Variants in EPN1 observed in about 807,000 individuals in gnomAD.
EPN1 encodes epsin-1.
EPN1 carries 25 observed loss-of-function variants against 56.9 expected under a neutral mutation model. That is an observed-to-expected ratio of 0.44 (90% CI 0.32 to 0.61). EPN1 has a LOEUF of 0.61. Among genes scored for constraint, EPN1 ranks in the 20% least tolerant of loss-of-function variants. EPN1 has a pLI of 0.05. For synonymous variants in EPN1, 411 were observed against 361.8 expected, an observed-to-expected ratio of 1.14 and a Z score of -1.54; for missense variants, 785 against 823.7, an observed-to-expected ratio of 0.95 and a Z score of 0.58.
rs2122209621 is a variant in EPN1 at position 55,691,610 on chromosome 19, C to A, written c.763-144C>A. 2.9e-6 allele frequency: 2 copies of A among 690,760 alleles called. No individual in the cohort carries two copies. The highest frequency in any genetic ancestry group is 4.9e-6 in the Non-Finnish European group (2 of 408,072). 42.8% of individuals were successfully genotyped at this position (690,760 alleles called of 1,614,324 possible). On this transcript the variant is annotated intron_variant, in intron 6 of 10. Coordinates refer to ENST00000270460, the MANE Select transcript of EPN1 (RefSeq NM_001130072.2). The surrounding 1 kb of genome is among the most constrained non-coding windows in gnomAD (Gnocchi z 5.6). ...GGGAGGCCAGGTGGTGTGTTTGGGGCCTGCCTCCCTCTCACCCCTTATGGA... is the reference window on the plus strand; with the variant it reads ...GGGAGGCCAGGTGGTGTGTTTGGGGACTGCCTCCCTCTCACCCCTTATGGA...
In EPN1 at chr19:55,691,793, G is replaced by C; in HGVS notation, c.802G>C (p.Ala268Pro). 2 of 1,612,590 alleles carry C rather than the reference G, an allele frequency of 1.2e-6. No homozygotes were observed. Among genetic ancestry groups the C allele is most frequent in the South Asian group, 2.2e-5 (2 of 90,992 alleles). ...CCTTGCTGACGTCTTCACGGCCCCA[G>C]CTCCTGCCCCGACCACAGACCCCTG... ...MDLADVFTAP[A>P]PAPTTDPWGG... The change falls in exon 7 of 11, where the codon GCT (alanine) becomes CCT (proline). Residue 268 changes from alanine to proline, a missense_variant. Ala to Pro is a conservative substitution (Grantham distance 27). Coordinates refer to ENST00000270460, the MANE Select transcript of EPN1 (RefSeq NM_001130072.2). This position sits in a 1 kb window ranked among gnomAD's most constrained non-coding sequence, Gnocchi z 5.6.
At chr19:55,687,399 G>GGC (rs1196818398) in intron 3 of EPN1, among the ~76,000 whole-genome samples, 3 of 152,186 alleles carry the variant, frequency 2.0e-5, no homozygotes, top group Non-Finnish European at 4.4e-5. Context: ...GTGATGGGAA[G>GGC]GCCCGGGTGT....
chr19:55,689,805 A>G lies in EPN1; in HGVS notation c.679-62A>G, dbSNP rs1986414714. On this transcript the variant is annotated intron_variant, in intron 5 of 10. Coordinates refer to ENST00000270460, the MANE Select transcript of EPN1 (RefSeq NM_001130072.2). This position sits in a 1 kb window ranked among gnomAD's most constrained non-coding sequence, Gnocchi z 5.7. ...AGGGGTTGCTGGGGCTTCCAGGCTGAGGTGGCATCTGCCCGTGGCTCACGT... is the reference window on the plus strand; with the variant it reads ...AGGGGTTGCTGGGGCTTCCAGGCTGGGGTGGCATCTGCCCGTGGCTCACGT... 5 of 1,484,436 alleles carry G rather than the reference A, an allele frequency of 3.4e-6. No homozygotes were observed. In the African/African-American group the frequency reaches 7.0e-5, roughly 21 times the overall value. The allele number at this position is 1,484,436 out of a possible 1,614,324, so 92.0% of individuals were successfully genotyped here.
chr19:55,692,956 G>A lies in EPN1; in HGVS notation c.1183G>A (p.Gly395Arg), dbSNP rs375849334. ...AGAACATCCTGACCCCACAGCAGCC[G>A]GGGGATTCGACACGGAGCCCGACGA... ...KPSTNGTTAA[G>R]GFDTEPDEFS... Residue 395 changes from glycine (G) to arginine (R), a missense_variant, in exon 9 of 11, where the codon GGG becomes AGG. Gly to Arg is a moderately radical substitution (Grantham distance 125). Coordinates refer to ENST00000270460, the MANE Select transcript of EPN1 (RefSeq NM_001130072.2). 165 of 1,613,280 alleles carry A rather than the reference G, an allele frequency of 1.0e-4. No individual in the cohort carries two copies. The highest frequency in any genetic ancestry group is 6.0e-4 in the South Asian group (55 of 91,076).
At position 55,689,439 on chromosome 19, in the gene EPN1, C is replaced by T; in HGVS notation, c.678+68C>T. ...CTCAGACCAGCCCCGTCGCCCCTTCCTAAGTCACCCCCCACCATCCTGCTG... is the reference window on the plus strand; with the variant it reads ...CTCAGACCAGCCCCGTCGCCCCTTCTTAAGTCACCCCCCACCATCCTGCTG... On this transcript the variant is annotated intron_variant, in intron 5 of 10. Coordinates refer to ENST00000270460, the MANE Select transcript of EPN1 (RefSeq NM_001130072.2). This position sits in a 1 kb window ranked among gnomAD's most constrained non-coding sequence, Gnocchi z 5.7. The T allele has an allele frequency of 8.2e-7, 1 of 1,225,446 alleles. No homozygotes were observed. 75.9% of individuals were successfully genotyped at this position (1,225,446 alleles called of 1,614,324 possible). A position where few individuals can be genotyped will look rare whatever the true frequency, so the allele number is the denominator to read the frequency against.
intron 2 of EPN1, among the ~76,000 whole-genome samples, chr19:55,683,247 G>A (rs919385724): frequency 2.0e-5 from 3 of 151,206 alleles, no homozygotes; most frequent in Non-Finnish European, 4.4e-5. Context: ...AGTAGAGATG[G>A]TGTTTCACCA....
intron 6 of EPN1, 69 bp downstream of exon 6, chr19:55,690,019 G>C (rs977628158): frequency 6.4e-6 from 9 of 1,407,638 alleles, no homozygotes; most frequent in Non-Finnish European, 7.8e-6. Flanking sequence ...TCATTCCTGC[G>C]TGGCCAGGTC....
In EPN1 at chr19:55,697,703, T is replaced by C. The variant is rs1986964947; in HGVS notation, c.*2347T>C. 6.6e-6 allele frequency: 1 copy of C among 152,072 alleles called. No individual in the cohort carries two copies. Among genetic ancestry groups the C allele is most frequent in the Admixed American group, 6.5e-5 (1 of 15,268 alleles). The allele number at this position is 152,072 out of a possible 1,614,324, so 9.4% of individuals were successfully genotyped here. A position where few individuals can be genotyped will look rare whatever the true frequency, so the allele number is the denominator to read the frequency against. On this transcript the variant is annotated 3_prime_UTR_variant, in exon 11 of 11. Transcript: ENST00000270460. ...TCGTGTCTCCTACTTTATTCCTCTT[T>C]CTAGAATATTCCAGCCACCAAAGTG...
rs948026824 is a variant in EPN1 at position 55,700,895 on chromosome 19, G to A, written c.*5539G>A. On this transcript the variant is annotated 3_prime_UTR_variant, in exon 11 of 11. Transcript: ENST00000270460. ...GGTTGCAAAATGGCTTGTGTTGTGG[G>A]GAATGTTCTCATCCACCCAAATCAA... is the stretch of plus-strand genomic sequence containing the variant. 1 of 152,200 alleles carries A rather than the reference G, an allele frequency of 6.6e-6. No homozygotes were observed. Among genetic ancestry groups the A allele is most frequent in the African/African-American group, 2.4e-5 (1 of 41,430 alleles). 9.4% of individuals were successfully genotyped at this position (152,200 alleles called of 1,614,324 possible). A position where few individuals can be genotyped will look rare whatever the true frequency, so the allele number is the denominator to read the frequency against.
chr19:55,697,103 G>A lies in EPN1; in HGVS notation c.*1747G>A, dbSNP rs1986939094. The A allele has an allele frequency of 6.6e-6, 1 of 152,230 alleles. No individual in the cohort carries two copies. Among genetic ancestry groups the A allele is most frequent in the South Asian group, 2.1e-4 (1 of 4,826 alleles). 9.4% of individuals were successfully genotyped at this position (152,230 alleles called of 1,614,324 possible). ...TTCTCACACCCGGCCTGGGTATGTTGTGGGAGAGTCATTTCCCAGGAGGAA... is the reference window on the plus strand; with the variant it reads ...TTCTCACACCCGGCCTGGGTATGTTATGGGAGAGTCATTTCCCAGGAGGAA... On this transcript the variant is annotated 3_prime_UTR_variant, in exon 11 of 11. Transcript: ENST00000270460.
At position 55,704,821 on chromosome 19, in the gene EPN1, GACA is replaced by G. The variant is rs920997685; in HGVS notation, c.*9469_*9471del. ...ACCGCTCCCTTCCTTCTGTAATACAGACAACAGAGACAGGAGATGGCCTGGCCC... is the reference window on the plus strand; with the variant it reads ...ACCGCTCCCTTCCTTCTGTAATACAGACAGAGACAGGAGATGGCCTGGCCC... On this transcript the variant is annotated 3_prime_UTR_variant, in exon 11 of 11. Coordinates refer to ENST00000270460, the MANE Select transcript of EPN1 (RefSeq NM_001130072.2). 1 of 152,360 alleles carries G rather than the reference GACA, an allele frequency of 6.6e-6. No individual in the cohort carries two copies. The highest frequency in any genetic ancestry group is 2.4e-5 in the African/African-American group (1 of 41,450). The allele number at this position is 152,360 out of a possible 1,614,324, so 9.4% of individuals were successfully genotyped here.
At chr19:55,693,341 G>C (rs527952087) in intron 9 of EPN1, 10 of 366,012 alleles carry the variant, frequency 2.7e-5, no homozygotes, top group African/African-American at 1.4e-4. Context: ...AAACTCTCCA[G>C]GTGTCTCAAA....
Position 55,677,614 on chromosome 19 carries a change from GCA to G in EPN1, c.-101-908_-101-907del, listed in dbSNP as rs766600178. ...CCCTCTTGTGCTGAGCGAGCACCTGGCACACAGCAGGGACCCAGGCAGTGGGG... is the reference window on the plus strand; with the variant it reads ...CCCTCTTGTGCTGAGCGAGCACCTGGCACAGCAGGGACCCAGGCAGTGGGG... On this transcript the variant is annotated intron_variant, in intron 1 of 10. Transcript: ENST00000270460. 13 of 1,551,510 alleles carry G rather than the reference GCA, an allele frequency of 8.4e-6. No homozygotes were observed. The South Asian group carries it at 1.5e-4, about 18-fold the overall frequency.
At position 55,689,445 on chromosome 19, in the gene EPN1, C is replaced by A; in HGVS notation, c.678+74C>A. ...CCAGCCCCGTCGCCCCTTCCTAAGT[C>A]ACCCCCCACCATCCTGCTGGGCCCG... On this transcript the variant is annotated intron_variant, in intron 5 of 10. Transcript: ENST00000270460. The surrounding 1 kb of genome is among the most constrained non-coding windows in gnomAD (Gnocchi z 5.7). The A allele has an allele frequency of 2.6e-6, 3 of 1,145,250 alleles. No individual in the cohort carries two copies. Among genetic ancestry groups the A allele is most frequent in the Non-Finnish European group, 3.8e-6 (3 of 781,474 alleles). 70.9% of individuals were successfully genotyped at this position (1,145,250 alleles called of 1,614,324 possible).
At position 55,708,970 on chromosome 19, in the gene EPN1, G is replaced by A. The variant is rs1987571004; in HGVS notation, c.*13614G>A. On this transcript the variant is annotated 3_prime_UTR_variant, in exon 11 of 11. Coordinates refer to ENST00000270460, the MANE Select transcript of EPN1 (RefSeq NM_001130072.2). ...GTCAATCCAAGGTCCATGTGAAATG[G>A]TCAGATGGGGAATTTTTTCTTCCAC... is the stretch of plus-strand genomic sequence containing the variant. The A allele has an allele frequency of 6.3e-7, 1 of 1,591,084 alleles. No homozygotes were observed. The highest frequency in any genetic ancestry group is 8.5e-7 in the Non-Finnish European group (1 of 1,170,940).
rs1986522892 is a variant in EPN1 at position 55,691,209 on chromosome 19, G to T, written c.763-545G>T. On this transcript the variant is annotated intron_variant, in intron 6 of 10. Transcript: ENST00000270460. The surrounding 1 kb of genome is among the most constrained non-coding windows in gnomAD (Gnocchi z 5.6). ...ACAGTGGGGCAATGGGCGTGGGAAG[G>T]CCTGCAGCGCGATGACTGCGGGGTG... is the stretch of plus-strand genomic sequence containing the variant. 6.6e-6 allele frequency among the ~76,000 whole-genome samples: 1 copy of T among 152,016 alleles called. No homozygotes were observed. Among genetic ancestry groups the T allele is most frequent in the Non-Finnish European group, 1.5e-5 (1 of 67,994 alleles).
rs1022142562 is a variant in EPN1 at position 55,685,712 on chromosome 19, C to T, written c.478+67C>T. On this transcript the variant is annotated intron_variant, in intron 3 of 10. Coordinates refer to ENST00000270460, the MANE Select transcript of EPN1 (RefSeq NM_001130072.2). ...CTCCGCCTACTGCGGCTCCCGGCACCCGGCCGCCCACTGCTTTCTCTCCCA... is the reference window on the plus strand; with the variant it reads ...CTCCGCCTACTGCGGCTCCCGGCACTCGGCCGCCCACTGCTTTCTCTCCCA... 2.0e-6 allele frequency: 3 copies of T among 1,523,082 alleles called. No individual in the cohort carries two copies. In the African/African-American group the frequency reaches 4.1e-5, roughly 21 times the overall value. The allele number at this position is 1,523,082 out of a possible 1,614,324, so 94.3% of individuals were successfully genotyped here. A position where few individuals can be genotyped will look rare whatever the true frequency, so the allele number is the denominator to read the frequency against.
At chr19:55,692,393 A>G (rs1249232970) in intron 7 of EPN1, among the ~76,000 whole-genome samples, 1 of 149,776 alleles carries the variant, frequency 6.7e-6, no homozygotes, top group Non-Finnish European at 1.5e-5. Context: ...AAGGGGCCTG[A>G]CACCCAGCTG....
rs1016371556 is a variant in EPN1 at position 55,702,966 on chromosome 19, A to AT, written c.*7616dup. 6.6e-6 allele frequency: 1 copy of AT among 151,596 alleles called. No homozygotes were observed. Among genetic ancestry groups the AT allele is most frequent in the African/African-American group, 2.4e-5 (1 of 41,232 alleles). 9.4% of individuals were successfully genotyped at this position (151,596 alleles called of 1,614,324 possible). A position where few individuals can be genotyped will look rare whatever the true frequency, so the allele number is the denominator to read the frequency against. On this transcript the variant is annotated 3_prime_UTR_variant, in exon 11 of 11. Transcript: ENST00000270460. ...CCCACCACCACGCCCGGCTAAGCTA[A>AT]TTTTTTGTATTGTTAGTAGAGACGG...
Sources: allele counts gnomAD v4.1 joint callset (sites outside exome capture counted in the v4.1 genomes callset), GRCh38; gene constraint gnomAD v4.1.1; non-coding constraint Gnocchi (gnomAD v3.1); transcripts MANE v1.5; gene names NCBI Gene and HGNC (gene_info 2026-07-23, HGNC 2026-07-21).